IPO11: variants seen among roughly 807,000 people sequenced by gnomAD.
IPO11 encodes importin-11.
A neutral mutation model predicts 143.2 loss-of-function variants in IPO11; 66 were observed. That is an observed-to-expected ratio of 0.46 (90% CI 0.38 to 0.57). The LOEUF (loss-of-function observed/expected upper bound fraction) is 0.57. Among genes scored for constraint, IPO11 ranks in the 20% least tolerant of loss-of-function variants. IPO11 has a pLI of 0.00. For missense variants in IPO11, 1,026 were observed against 1,141.0 expected, an observed-to-expected ratio of 0.90 and a Z score of 1.45; for synonymous variants, 385 against 377.8, an observed-to-expected ratio of 1.02 and a Z score of -0.22.
intron 27 of IPO11, among the ~76,000 whole-genome samples, chr5:62,563,876 C>T (rs978211183): frequency 5.9e-5 from 9 of 152,092 alleles, no homozygotes; most frequent in Admixed American, 5.2e-4. Flanking sequence ...TAGACTGGGA[C>T]TTAAGTCAAC....
chr5:62,419,941 T>C (rs1050029740), intron 1 of IPO11, among the ~76,000 whole-genome samples: 2 of 151,952 alleles, frequency 1.3e-5, no homozygotes, highest in African/African-American at 4.8e-5. Context: ...TTCAACGTTG[T>C]AGTGAATTAT....
chr5:62,508,620 G>A (rs529891864), intron 19 of IPO11, among the ~76,000 whole-genome samples: 2 of 115,190 alleles, frequency 1.7e-5, no homozygotes, highest in East Asian at 3.0e-4. Context: ...CCCTCCCTCC[G>A]TCTCTCTCTC....
At chr5:62,545,928 C>T (rs1283224720) in intron 24 of IPO11, among the ~76,000 whole-genome samples, 1 of 152,112 alleles carries the variant, frequency 6.6e-6, no homozygotes, top group Admixed American at 6.5e-5. Context: ...GAATGGCAAC[C>T]ATTAAAAAGT....
At chr5:62,606,087 A>G (rs566360766) in intron 29 of IPO11, among the ~76,000 whole-genome samples, 1 of 152,186 alleles carries the variant, frequency 6.6e-6, no homozygotes, top group South Asian at 2.1e-4. Context: ...AACTGTATGT[A>G]TCTGTGGTGT....
At chr5:62,557,430 G>A (rs375652022) in intron 26 of IPO11, among the ~76,000 whole-genome samples, 5 of 152,088 alleles carry the variant, frequency 3.3e-5, no homozygotes, top group African/African-American at 9.7e-5. Context: ...TGATCCACCC[G>A]CCTCGGCCTC....
intron 26 of IPO11, among the ~76,000 whole-genome samples, chr5:62,555,661 G>T (rs935288751): frequency 6.6e-6 from 1 of 150,848 alleles, no homozygotes; most frequent in African/African-American, 2.5e-5. Flanking sequence ...CTGCCACCAC[G>T]CTCTGCTAAT....
At chr5:62,503,441 G>GTATCTATTAATAT (rs1741428988) in intron 16 of IPO11, among the ~76,000 whole-genome samples, 3 of 110,726 alleles carry the variant, frequency 2.7e-5, no homozygotes, top group Non-Finnish European at 3.7e-5. Flanking sequence ...TCTATTAATA[G>GTATCTATTAATAT]ATTCTATTAA....
chr5:62,583,392 AAGTATTTTTATCTT>A (rs1207454500), intron 27 of IPO11, among the ~76,000 whole-genome samples: 1 of 152,210 alleles, frequency 6.6e-6, no homozygotes, highest in African/African-American at 2.4e-5. Context: ...TTATATAACA[AAGTATTTTTATCTT>A]AAAATTCCTA....
intron 1 of IPO11, chr5:62,419,107 G>C: frequency 6.5e-7 from 1 of 1,550,144 alleles, no homozygotes; most frequent in Non-Finnish European, 8.7e-7. Flanking sequence ...ACTGAATACT[G>C]TAAGCAGTTG....
At chr5:62,469,716 C>G (rs578190545) in intron 6 of IPO11, among the ~76,000 whole-genome samples, 68 of 152,230 alleles carry the variant, frequency 4.5e-4, no homozygotes, top group Admixed American at 1.8e-3. Flanking sequence ...CTAGCTCTGC[C>G]TTCAAATCTG....
chr5:62,502,535 G>A (rs2112258006), intron 16 of IPO11, among the ~76,000 whole-genome samples: 1 of 152,088 alleles, frequency 6.6e-6, no homozygotes, highest in East Asian at 1.9e-4. Flanking sequence ...TTGTGATCTG[G>A]CTTTCTGTTC....
Position 62,467,301 on chromosome 5 carries a change from A to T in IPO11, c.649+38A>T, listed in dbSNP as rs368808112. On this transcript the variant is annotated intron_variant, in intron 6 of 29. Coordinates refer to ENST00000325324, the MANE Select transcript of IPO11 (RefSeq NM_016338.5). The stretch of plus-strand genomic sequence containing the variant: ...TTGATATGTTCATTTTTGAAATGAG[A>T]TACCTCAGAACAGTCACCAAATAGT... 1.9e-6 allele frequency: 3 copies of T among 1,592,040 alleles called. No individual in the cohort carries two copies. In the African/African-American group the frequency reaches 4.0e-5, roughly 21 times the overall value.
At chr5:62,505,717 A>G (rs1023824088) in intron 18 of IPO11, among the ~76,000 whole-genome samples, 7 of 152,076 alleles carry the variant, frequency 4.6e-5, no homozygotes, top group Middle Eastern at 3.2e-3. Flanking sequence ...TGATTTCCTA[A>G]TAAGAACTAT....
At chr5:62,587,645 T>C (rs1744844808) in intron 27 of IPO11, among the ~76,000 whole-genome samples, 1 of 152,216 alleles carries the variant, frequency 6.6e-6, no homozygotes, top group Non-Finnish European at 1.5e-5. Context: ...AAAAGGATAC[T>C]GACATGAAAA....
intron 21 of IPO11, among the ~76,000 whole-genome samples, chr5:62,530,349 A>C (rs1742503360): frequency 6.6e-6 from 1 of 152,210 alleles, no homozygotes; most frequent in African/African-American, 2.4e-5. Context: ...GTATGTGAAA[A>C]GTCAGCCCTC....
chr5:62,578,677 CA>C (rs1349802355), intron 27 of IPO11: 2 of 466,800 alleles, frequency 4.3e-6, no homozygotes, highest in Non-Finnish European at 8.9e-6. Flanking sequence ...TTTTGAAACA[CA>C]GATAAAATTA....
chr5:62,483,274 G>A lies in IPO11; in HGVS notation c.1002G>A (p.Lys334=), dbSNP rs1229464974. The A allele has an allele frequency of 6.4e-7, 1 of 1,569,608 alleles. No homozygotes were observed. The highest frequency in any genetic ancestry group is 1.9e-5 in the Admixed American group (1 of 52,376). Residue 334 remains lysine (K), a synonymous_variant, in exon 10 of 30, where the codon AAG becomes AAA. Coordinates refer to ENST00000325324, the MANE Select transcript of IPO11 (RefSeq NM_016338.5). ...IKMIVKNYAY[K]PSKNFEDSSP... ...TGATTGTCAAAAATTATGCTTATAA[G>A]CCATCCAAAAATTTTGAAGGTAATT...
chr5:62,536,603 A>G lies in IPO11; in HGVS notation c.2090-99A>G, dbSNP rs187074864. On this transcript the variant is annotated intron_variant, in intron 22 of 29. Coordinates refer to ENST00000325324, the MANE Select transcript of IPO11 (RefSeq NM_016338.5). ...AGTACTCGGAAGAGGTTTCTAGAGT[A>G]TGCAAATTAGTTTTAAATAACTATG... 5.1e-6 allele frequency: 7 copies of G among 1,370,270 alleles called. No homozygotes were observed. The East Asian group carries it at 1.7e-4, about 33-fold the overall frequency. 84.9% of individuals were successfully genotyped at this position (1,370,270 alleles called of 1,614,324 possible). A position where few individuals can be genotyped will look rare whatever the true frequency, so the allele number is the denominator to read the frequency against.
Position 62,550,405 on chromosome 5 carries a change from T to C in IPO11, c.2289T>C (p.Gly763=). ...CCCTTAAAGTGAACCCAATACTAGGTCCACAAATGTTTCAACCGATTTTAC... is the reference window on the plus strand; with the variant it reads ...CCCTTAAAGTGAACCCAATACTAGGCCCACAAATGTTTCAACCGATTTTAC... ...ENALKVNPIL[G]PQMFQPILPY... The change falls in exon 25 of 30, where the codon GGT becomes GGC. Residue 763 remains glycine (G), a synonymous_variant. Transcript: ENST00000325324. 1 of 1,613,294 alleles carries C rather than the reference T, an allele frequency of 6.2e-7. No homozygotes were observed. Among genetic ancestry groups the C allele is most frequent in the Non-Finnish European group, 8.5e-7 (1 of 1,179,564 alleles).
Sources: gnomAD v4.1 joint callset for allele counts (sites outside exome capture counted in the v4.1 genomes callset) on GRCh38, gnomAD v4.1.1 for gene constraint, MANE v1.5 for transcripts, NCBI Gene and HGNC (gene_info 2026-07-23, HGNC 2026-07-21) for gene names.